The following GFRAL variants were observed in gnomAD, a reference collection of about 807,000 sequenced individuals.
The protein encoded by GFRAL is GDNF family receptor alpha-like.
A neutral mutation model predicts 45.4 loss-of-function variants in GFRAL; 36 were observed. The observed-to-expected ratio is 0.79, with a 90% CI of 0.61 to 1.05. GFRAL has a LOEUF of 1.05. Ranked by LOEUF, GFRAL falls within the 50% of genes least tolerant of loss-of-function variation. The pLI, the probability that GFRAL is intolerant of heterozygous loss-of-function variation, is 0.00. For synonymous variants in GFRAL, 166 were observed against 154.1 expected (o/e 1.08, Z -0.57); for missense variants, 507 against 467.5 (o/e 1.08, Z -0.78).
At chr6:55,335,447 T>A (rs1429785525) in intron 3 of GFRAL, among the ~76,000 whole-genome samples, 1 of 152,186 alleles carries the variant, frequency 6.6e-6, no homozygotes, top group African/African-American at 2.4e-5. Flanking sequence ...ATTTTAAAAA[T>A]TTTGGTGAAA....
intron 6 of GFRAL, among the ~76,000 whole-genome samples, chr6:55,395,175 A>AAAAAAAAAATATATATATATATATAT: frequency 1.6e-5 from 2 of 123,512 alleles, no homozygotes; most frequent in African/African-American, 3.5e-5. Context: ...AAAAAAAAAA[A>AAAAAAAAAATATATATATATATATAT]ATATATATAT....
At chr6:55,363,115 T>C (rs1333958701) in intron 6 of GFRAL, among the ~76,000 whole-genome samples, 1 of 111,868 alleles carries the variant, frequency 8.9e-6, no homozygotes, top group Non-Finnish European at 1.8e-5. Context: ...CTACAAGAGA[T>C]GGAAAACATA....
At chr6:55,391,529 T>C (rs947426001) in intron 6 of GFRAL, among the ~76,000 whole-genome samples, 6 of 152,122 alleles carry the variant, frequency 3.9e-5, no homozygotes, top group South Asian at 2.1e-4. Flanking sequence ...GGTAAGAGGA[T>C]TGCTTGAGGC....
Position 55,364,756 on chromosome 6 carries a change from C to T in GFRAL, c.952+5618C>T, listed in dbSNP as rs1450105739. Among the ~76,000 whole-genome samples, 15 of 151,728 alleles carry T rather than the reference C, an allele frequency of 9.9e-5. No individual in the cohort carries two copies. The South Asian group carries it at 1.0e-3, about 11-fold the overall frequency. On this transcript the variant is annotated intron_variant, in intron 6 of 8. Transcript: ENST00000340465. ...CAAAGATCAGATAGTTGTAGATATG[C>T]GGCGTGATTTCTGAGGGCTCTGTTC...
intron 1 of GFRAL, among the ~76,000 whole-genome samples, chr6:55,329,203 G>A (rs1474821128): frequency 1.3e-5 from 2 of 152,012 alleles, no homozygotes; most frequent in African/African-American, 4.8e-5. Context: ...CATTGAGGTG[G>A]TTTTCTTAGT....
At chr6:55,374,009 C>T (rs766518959) in intron 6 of GFRAL, among the ~76,000 whole-genome samples, 11 of 152,160 alleles carry the variant, frequency 7.2e-5, no homozygotes, top group Admixed American at 2.0e-4. Flanking sequence ...GTTCGGTTTT[C>T]TGCTCCTGTG....
chr6:55,327,903 A>G (rs1178680482), intron 1 of GFRAL, among the ~76,000 whole-genome samples: 1 of 152,054 alleles, frequency 6.6e-6, no homozygotes, highest in Non-Finnish European at 1.5e-5. Flanking sequence ...CCTTTTAGAA[A>G]TAAAAATAAA....
At chr6:55,394,448 T>C (rs1254190565) in intron 6 of GFRAL, among the ~76,000 whole-genome samples, 2 of 152,132 alleles carry the variant, frequency 1.3e-5, no homozygotes, top group African/African-American at 4.8e-5. Flanking sequence ...ATATTTGAAA[T>C]GACCAAGTAG....
At chr6:55,331,966 C>A in intron 2 of GFRAL, 117 bp downstream of exon 2, 1 of 882,904 alleles carries the variant, frequency 1.1e-6, no homozygotes, top group Non-Finnish European at 1.7e-6. Context: ...CTTATTTAAT[C>A]TTGACCCCCA....
intron 6 of GFRAL, among the ~76,000 whole-genome samples, chr6:55,362,951 G>T (rs941395227): frequency 5.3e-5 from 8 of 150,322 alleles, no homozygotes; most frequent in Non-Finnish European, 1.0e-4. Context: ...AGAGAAAGGA[G>T]AGGAGGAGGA....
rs1001252727 is a variant in GFRAL, at chr6:55,332,327, G to T, written c.157+478G>T. On this transcript the variant is annotated intron_variant, in intron 2 of 8. Transcript: ENST00000340465. ...CAAGAACAAGTAAAGCTATAGTTTT[G>T]TTTTTAACTTGGCCTACCTTCCAAA... Among the ~76,000 whole-genome samples the T allele has an allele frequency of 2.6e-5, 4 of 152,146 alleles. No homozygotes were observed. The East Asian group carries it at 7.7e-4, about 29-fold the overall frequency.
intron 6 of GFRAL, among the ~76,000 whole-genome samples, chr6:55,370,236 T>C (rs923806334): frequency 2.0e-5 from 3 of 152,092 alleles, no homozygotes; most frequent in African/African-American, 7.2e-5. Flanking sequence ...GAAGTTCTTT[T>C]AAGTGTCTCT....
At chr6:55,381,817 A>C (rs986874524) in intron 6 of GFRAL, among the ~76,000 whole-genome samples, 3 of 151,822 alleles carry the variant, frequency 2.0e-5, no homozygotes, top group African/African-American at 7.2e-5. Flanking sequence ...TTTCCCCTGC[A>C]AAAACTCCTC....
At chr6:55,341,475 AG>A (rs1449173233) in intron 3 of GFRAL, among the ~76,000 whole-genome samples, 7 of 152,214 alleles carry the variant, frequency 4.6e-5, no homozygotes, top group Non-Finnish European at 7.3e-5. Flanking sequence ...GACTGTTAGA[AG>A]GAAAACTAAC....
chr6:55,390,228 T>C (rs1426315817), intron 6 of GFRAL, among the ~76,000 whole-genome samples: 1 of 152,256 alleles, frequency 6.6e-6, no homozygotes, highest in African/African-American at 2.4e-5. Flanking sequence ...TAGTATTTAT[T>C]AAGCACCTGC....
intron 6 of GFRAL, among the ~76,000 whole-genome samples, chr6:55,366,177 A>G (rs1768360039): frequency 6.6e-6 from 1 of 151,686 alleles, no homozygotes; most frequent in Non-Finnish European, 1.5e-5. Context: ...GGGAGAGTGT[A>G]TGTGTCGAGG....
At chr6:55,371,397 C>T (rs1179414257) in intron 6 of GFRAL, among the ~76,000 whole-genome samples, 2 of 152,080 alleles carry the variant, frequency 1.3e-5, no homozygotes, top group Non-Finnish European at 2.9e-5. Context: ...TCAATAATCA[C>T]AGTTTTGTTT....
chr6:55,344,985 G>A (rs554203820), intron 3 of GFRAL, among the ~76,000 whole-genome samples: 1 of 152,222 alleles, frequency 6.6e-6, no homozygotes, highest in Non-Finnish European at 1.5e-5. Flanking sequence ...AACTTACAAG[G>A]GATGTGAAGG....
intron 6 of GFRAL, among the ~76,000 whole-genome samples, chr6:55,372,755 C>T (rs1768468723): frequency 6.6e-6 from 1 of 152,106 alleles, no homozygotes; most frequent in Non-Finnish European, 1.5e-5. Context: ...AGCTTTGTGC[C>T]AGGAGGAAAG....
Sources: gnomAD v4.1 joint callset for allele counts (sites outside exome capture counted in the v4.1 genomes callset) on GRCh38, gnomAD v4.1.1 for gene constraint, MANE v1.5 for transcripts, NCBI Gene and HGNC (gene_info 2026-07-23, HGNC 2026-07-21) for gene names.